Variants in ACYP2 observed in about 807,000 individuals in gnomAD.
The protein encoded by ACYP2 is acylphosphatase-2.
ACYP2 carries 12 observed loss-of-function variants against 11.2 expected under a neutral mutation model. The observed-to-expected ratio is 1.08, with a 90% CI of 0.69 to 1.74. The LOEUF (loss-of-function observed/expected upper bound fraction) is 1.74. ACYP2 is among the 40% of genes most tolerant of loss of function. ACYP2 has a pLI of 0.00. For missense variants in ACYP2, 134 were observed against 101.9 expected, an observed-to-expected ratio of 1.31 and a Z score of -1.35; for synonymous variants, 43 against 32.2, an observed-to-expected ratio of 1.33 and a Z score of -1.13.
intron 4 of ACYP2, among the ~76,000 whole-genome samples, chr2:54,120,717 G>C (rs1680098906): frequency 6.6e-6 from 1 of 152,194 alleles, no homozygotes; most frequent in Non-Finnish European, 1.5e-5. Flanking sequence ...TCTGGATCCT[G>C]CGCTTGCCTT....
chr2:54,035,028 A>AAAAAAAAAAAAAAAC, intron 2 of ACYP2, among the ~76,000 whole-genome samples: 1 of 141,714 alleles, frequency 7.1e-6, no homozygotes, highest in South Asian at 2.2e-4. Flanking sequence ...AAAAAAAAAA[A>AAAAAAAAAAAAAAAC]AAAAGCCTAG....
intron 4 of ACYP2, chr2:54,115,662 C>T (rs1679713638): frequency 1.2e-6 from 2 of 1,603,028 alleles, no homozygotes; most frequent in East Asian, 4.5e-5. Context: ...CGCCCCGAGC[C>T]CCTCTCCGGC....
intron 4 of ACYP2, among the ~76,000 whole-genome samples, chr2:54,085,256 A>C (rs1049109463): frequency 6.6e-6 from 1 of 152,082 alleles, no homozygotes; most frequent in Middle Eastern, 3.2e-3. Context: ...CATTTAGTTC[A>C]CTGGCGGGTC....
intron 6 of ACYP2, among the ~76,000 whole-genome samples, chr2:54,140,788 A>G (rs1044911115): frequency 1.3e-5 from 2 of 152,156 alleles, no homozygotes; most frequent in Non-Finnish European, 2.9e-5. Context: ...GTTTTTTGCA[A>G]TAAGAGCAAT....
At chr2:54,110,735 G>A (rs569600589) in intron 4 of ACYP2, among the ~76,000 whole-genome samples, 140 of 152,048 alleles carry the variant, frequency 9.2e-4, no homozygotes, top group African/African-American at 2.8e-3. Flanking sequence ...CCCTCCCACC[G>A]TGGGAGAGAG....
At chr2:54,020,981 C>T (rs997641471) in intron 2 of ACYP2, among the ~76,000 whole-genome samples, 3 of 152,140 alleles carry the variant, frequency 2.0e-5, no homozygotes, top group African/African-American at 7.2e-5. Flanking sequence ...ATTTTTACTT[C>T]TATAGAAGGG....
chr2:53,995,048 A>G (rs7564912), intron 2 of ACYP2, among the ~76,000 whole-genome samples: 66,186 of 152,002 alleles, frequency 0.44, 14,631 homozygotes, highest in South Asian at 0.51. Context: ...TGAAAAGAAG[A>G]CATAAAGAAT....
chr2:54,088,878 C>G (rs900521921), intron 4 of ACYP2, among the ~76,000 whole-genome samples: 3 of 152,174 alleles, frequency 2.0e-5, no homozygotes, highest in African/African-American at 7.2e-5. Context: ...ACACACATTC[C>G]TATCGGTCAC....
intron 6 of ACYP2, among the ~76,000 whole-genome samples, chr2:54,265,577 G>A (rs555232018): frequency 6.6e-6 from 1 of 152,310 alleles, no homozygotes; most frequent in South Asian, 2.1e-4. Context: ...GCAGGGTGTG[G>A]CCTATTATGA....
chr2:54,130,667 AAC>A (rs1680848600), intron 4 of ACYP2, among the ~76,000 whole-genome samples: 1 of 152,228 alleles, frequency 6.6e-6, no homozygotes, highest in African/African-American at 2.4e-5. Context: ...ACACAGTTGG[AAC>A]AGAATTAAAC....
rs552346657 is a variant in ACYP2, at chr2:54,011,733, G to A, written c.62+37923G>A. Among the ~76,000 whole-genome samples the A allele has an allele frequency of 5.1e-4, 38 of 74,434 alleles. No individual in the cohort carries two copies. The East Asian group carries it at 0.032, about 62-fold the overall frequency. 48.8% of individuals were successfully genotyped at this position (74,434 alleles called of 152,430 possible). On this transcript the variant is annotated intron_variant, in intron 2 of 6. Coordinates refer to ENST00000607452, the MANE Select transcript of ACYP2 (RefSeq NM_001320586.2). ...CCATTTTATATTCAAATCTTTTTTG[G>A]TGTATTTTTTTTTTTAATCTAATCT...
At chr2:54,034,804 T>A (rs1674789258) in intron 2 of ACYP2, among the ~76,000 whole-genome samples, 1 of 151,952 alleles carries the variant, frequency 6.6e-6, no homozygotes, top group Admixed American at 6.6e-5. Flanking sequence ...AGGTCAGGCA[T>A]TCAAGACCAG....
intron 2 of ACYP2, among the ~76,000 whole-genome samples, chr2:54,050,561 AAAAAG>A (rs1372589743): frequency 1.3e-5 from 2 of 151,848 alleles, no homozygotes; most frequent in African/African-American, 4.8e-5. Context: ...AAAAAAAAAA[AAAAAG>A]AAAATAACTA....
At chr2:54,004,835 C>T (rs1265393230) in intron 2 of ACYP2, among the ~76,000 whole-genome samples, 3 of 143,008 alleles carry the variant, frequency 2.1e-5, no homozygotes, top group African/African-American at 7.9e-5. Context: ...GCAGAGGTTG[C>T]AGTGAGCCGA....
intron 6 of ACYP2, among the ~76,000 whole-genome samples, chr2:54,225,981 C>T (rs148402655): frequency 3.9e-5 from 6 of 152,234 alleles, no homozygotes; most frequent in African/African-American, 7.2e-5. Flanking sequence ...AAATTATCTA[C>T]GGTATTTAAT....
At chr2:54,089,056 G>T (rs1244312869) in intron 4 of ACYP2, among the ~76,000 whole-genome samples, 2 of 152,202 alleles carry the variant, frequency 1.3e-5, no homozygotes, top group Admixed American at 1.3e-4. Context: ...ATGCTAATAG[G>T]TTTCAGATAT....
At chr2:54,162,969 G>A (rs1572874554) in intron 6 of ACYP2, among the ~76,000 whole-genome samples, 1 of 152,166 alleles carries the variant, frequency 6.6e-6, no homozygotes, top group Non-Finnish European at 1.5e-5. Flanking sequence ...GAGCCAGAGT[G>A]AGACCCTGTC....
chr2:54,004,824 G>A (rs1672976957), intron 2 of ACYP2, among the ~76,000 whole-genome samples: 1 of 147,668 alleles, frequency 6.8e-6, no homozygotes, highest in Non-Finnish European at 1.5e-5. Flanking sequence ...GAACCTGGAA[G>A]GCAGAGGTTG....
intron 2 of ACYP2, among the ~76,000 whole-genome samples, chr2:54,012,235 C>CAAAAAACAAAAAAAA (rs1673413058): frequency 1.0e-5 from 1 of 96,584 alleles, no homozygotes. Flanking sequence ...GACTCCGTCT[C>CAAAAAACAAAAAAAA]AAAAAAAAAA....
Sources: allele counts gnomAD v4.1 joint callset (sites outside exome capture counted in the v4.1 genomes callset), GRCh38; gene constraint gnomAD v4.1.1; transcripts MANE v1.5; gene names NCBI Gene and HGNC (gene_info 2026-07-23, HGNC 2026-07-21).